Variants in PKIB observed in about 807,000 individuals in gnomAD.
PKIB encodes the protein PKI-beta.
PKIB carries 2 observed loss-of-function variants against 4.5 expected under a neutral mutation model. The observed-to-expected ratio is 0.44, with a 90% CI of 0.18 to 1.39. PKIB has a LOEUF of 1.39. Among genes scored for constraint, PKIB ranks in the 40% most tolerant of loss-of-function variants. The probability of loss-of-function intolerance (pLI) is 0.27; values close to 1 mark genes in which losing one functional copy is unlikely to be tolerated. For missense variants in PKIB, 94 were observed against 92.6 expected (o/e 1.02, Z -0.06); for synonymous variants, 38 against 36.0 (o/e 1.06, Z -0.20).
At chr6:122,535,352 G>T (rs922816346) in intron 2 of PKIB, among the ~76,000 whole-genome samples, 12 of 152,014 alleles carry the variant, frequency 7.9e-5, no homozygotes, top group African/African-American at 1.9e-4. Context: ...CCTAAAAAAG[G>T]TTCAATTATG....
intron 3 of PKIB, among the ~76,000 whole-genome samples, chr6:122,706,984 C>T (rs1472640697): frequency 6.6e-6 from 1 of 151,884 alleles, no homozygotes; most frequent in Non-Finnish European, 1.5e-5. Flanking sequence ...TAGATATTTT[C>T]ATGGCCTCAT....
At chr6:122,484,859 A>G (rs1012963321) in intron 2 of PKIB, among the ~76,000 whole-genome samples, 1 of 152,196 alleles carries the variant, frequency 6.6e-6, no homozygotes, top group Non-Finnish European at 1.5e-5. Flanking sequence ...CTGACTTGAT[A>G]GGTAGACAAG....
Position 122,725,233 on chromosome 6 carries a change from G to A in PKIB, c.*38G>A, listed in dbSNP as rs2115102127. On this transcript the variant is annotated 3_prime_UTR_variant, in exon 5 of 5. Transcript: ENST00000368452. The stretch of plus-strand genomic sequence containing the variant: ...TATCAAGAGTGCTGAATTTCTGCAT[G>A]TTGAAAGACTTAGTGGTTCTGTTTT... 1 of 1,523,112 alleles carries A rather than the reference G, an allele frequency of 6.6e-7. No individual in the cohort carries two copies. The highest frequency in any genetic ancestry group is 1.2e-5 in the South Asian group (1 of 85,492). The allele number at this position is 1,523,112 out of a possible 1,614,324, so 94.3% of individuals were successfully genotyped here.
chr6:122,705,862 C>T (rs1389342714), intron 3 of PKIB, among the ~76,000 whole-genome samples: 1 of 152,110 alleles, frequency 6.6e-6, no homozygotes, highest in Non-Finnish European at 1.5e-5. Flanking sequence ...CTGCGCCTGG[C>T]CAGAAAATGC....
chr6:122,630,118 T>G (rs1362695666), intron 1 of PKIB, among the ~76,000 whole-genome samples: 1 of 152,008 alleles, frequency 6.6e-6, no homozygotes. Flanking sequence ...AAAACTATTG[T>G]AAAAAAATAT....
intron 3 of PKIB, among the ~76,000 whole-genome samples, chr6:122,699,219 G>A (rs1778696946): frequency 6.6e-6 from 1 of 151,260 alleles, no homozygotes; most frequent in Non-Finnish European, 1.5e-5. Flanking sequence ...CCTGCACAAT[G>A]TGCACATGTA....
chr6:122,568,184 AAATTT>A (rs1475255927), intron 2 of PKIB, among the ~76,000 whole-genome samples: 1 of 152,212 alleles, frequency 6.6e-6, no homozygotes, highest in African/African-American at 2.4e-5. Context: ...GAAAAGAAGC[AAATTT>A]AATTTAAAGT....
chr6:122,670,772 A>G (rs1445770885), intron 2 of PKIB, among the ~76,000 whole-genome samples: 4 of 152,146 alleles, frequency 2.6e-5, no homozygotes, highest in Admixed American at 6.5e-5. Context: ...ATCATTTTCA[A>G]TGTCACCATG....
At chr6:122,520,926 T>G (rs1776923841) in intron 2 of PKIB, among the ~76,000 whole-genome samples, 1 of 152,176 alleles carries the variant, frequency 6.6e-6, no homozygotes, top group South Asian at 2.1e-4. Flanking sequence ...TGCAAAAAGT[T>G]GTTGAAATGC....
intron 1 of PKIB, among the ~76,000 whole-genome samples, chr6:122,631,356 T>C (rs960072345): frequency 6.6e-6 from 1 of 152,188 alleles, no homozygotes; most frequent in Non-Finnish European, 1.5e-5. Flanking sequence ...ATTCAGAATG[T>C]CTTTGACATC....
chr6:122,599,691 G>A (rs1417543140), intron 3 of PKIB, among the ~76,000 whole-genome samples: 3 of 152,080 alleles, frequency 2.0e-5, no homozygotes, highest in Non-Finnish European at 4.4e-5. Context: ...TTATGTATAT[G>A]GTCACCTCAC....
chr6:122,536,564 A>T (rs1203954740), intron 2 of PKIB, among the ~76,000 whole-genome samples: 1 of 152,198 alleles, frequency 6.6e-6, no homozygotes, highest in Non-Finnish European at 1.5e-5. Context: ...ATAAACATAA[A>T]AATTCCTAAA....
chr6:122,572,319 C>A (rs958941301), intron 2 of PKIB, among the ~76,000 whole-genome samples: 4 of 151,412 alleles, frequency 2.6e-5, no homozygotes, highest in African/African-American at 9.7e-5. Flanking sequence ...GATCTAAAAG[C>A]AACTCACCCT....
chr6:122,550,972 T>C (rs954067648), intron 2 of PKIB, among the ~76,000 whole-genome samples: 5 of 152,216 alleles, frequency 3.3e-5, no homozygotes, highest in African/African-American at 1.2e-4. Context: ...TGTTTCTTCA[T>C]CCTTTTCTAG....
chr6:122,693,072 C>T (rs1459630109), intron 3 of PKIB, among the ~76,000 whole-genome samples: 1 of 152,210 alleles, frequency 6.6e-6, no homozygotes, highest in African/African-American at 2.4e-5. Flanking sequence ...AGAACCAATG[C>T]ATATCTGCAT....
chr6:122,480,194 C>T (rs1412162673), intron 2 of PKIB: 1 of 152,176 alleles, frequency 6.6e-6, no homozygotes, highest in African/African-American at 2.4e-5. Context: ...AGGCGCCCGC[C>T]ACCACGCCCG....
At chr6:122,531,941 T>A (rs936120651) in intron 2 of PKIB, among the ~76,000 whole-genome samples, 2 of 152,224 alleles carry the variant, frequency 1.3e-5, no homozygotes, top group African/African-American at 4.8e-5. Context: ...GCCAGCTCTA[T>A]GATGCAATGT....
At chr6:122,545,226 C>A (rs12198106) in intron 2 of PKIB, among the ~76,000 whole-genome samples, 2 of 151,706 alleles carry the variant, frequency 1.3e-5, no homozygotes, top group Non-Finnish European at 2.9e-5. Flanking sequence ...AGCAAAGATA[C>A]GGAATCAACC....
intron 3 of PKIB, among the ~76,000 whole-genome samples, chr6:122,603,961 AGT>A (rs977231472): frequency 1.3e-5 from 2 of 152,124 alleles, no homozygotes; most frequent in African/African-American, 4.8e-5. Context: ...GAGAATGGTT[AGT>A]GTGTGTGTGT....
Sources: gnomAD v4.1 joint callset for allele counts (sites outside exome capture counted in the v4.1 genomes callset) on GRCh38, gnomAD v4.1.1 for gene constraint, MANE v1.5 for transcripts, NCBI Gene and HGNC (gene_info 2026-07-23, HGNC 2026-07-21) for gene names.